SORCS3: variants seen among roughly 807,000 people sequenced by gnomAD.
SORCS3 encodes sortilin related VPS10 domain containing receptor 3.
In SORCS3, 57 loss-of-function variants were observed where a neutral mutation model predicts 146.3. That is an observed-to-expected ratio of 0.39 (90% CI 0.31 to 0.49). The LOEUF is 0.49. SORCS3 is among the 20% of genes least tolerant of loss of function. The pLI is 0.92. For missense variants in SORCS3, 1,341 were observed against 1,575.5 expected, an observed-to-expected ratio of 0.85 and a Z score of 2.52; for synonymous variants, 653 against 618.5, an observed-to-expected ratio of 1.06 and a Z score of -0.83.
rs78489358 is a variant in SORCS3, at chr10:104,761,397, T to C, written c.628-81395T>C. Reference sequence around the variant, plus strand: ...GGAGAGAGAAGATACATACCATATCTGGAGAGAGAAGAGGCAAGAAAATAG... The same window carrying C: ...GGAGAGAGAAGATACATACCATATCCGGAGAGAGAAGAGGCAAGAAAATAG... On this transcript the variant is annotated intron_variant, in intron 1 of 26. Transcript: ENST00000369701. Among the ~76,000 whole-genome samples the C allele has an allele frequency of 3.3e-3, 499 of 152,092 alleles. 3 individuals are homozygous for C. Among genetic ancestry groups the C allele is most frequent in the African/African-American group, 0.01 (417 of 41,506 alleles).
intron 14 of SORCS3, among the ~76,000 whole-genome samples, chr10:105,190,428 C>A (rs751841543): frequency 2.6e-5 from 4 of 152,174 alleles, no homozygotes; most frequent in Non-Finnish European, 2.9e-5. Context: ...ATTTTTGAGA[C>A]GGAGTCTCGC....
At chr10:104,815,049 AAGG>A (rs886603666) in intron 1 of SORCS3, among the ~76,000 whole-genome samples, 13 of 152,290 alleles carry the variant, frequency 8.5e-5, no homozygotes, top group African/African-American at 2.9e-4. Context: ...TTGCAGTCTG[AAGG>A]AGGAGAAAAG....
rs1369449514 is a variant in SORCS3 at position 104,751,968 on chromosome 10, T to TATATATATAA, written c.628-90823_628-90822insTATATATAAA. On this transcript the variant is annotated intron_variant, in intron 1 of 26. Coordinates refer to ENST00000369701, the MANE Select transcript of SORCS3 (RefSeq NM_014978.3). ...ATATATATATATATATATATATATA[T>TATATATATAA]AATAGTTTAGCAGCAGGAATGAGGT... is the stretch of plus-strand genomic sequence containing the variant. Among the ~76,000 whole-genome samples the TATATATATAA allele has an allele frequency of 6.2e-5, 8 of 128,452 alleles. 1 individual carries two copies. Among genetic ancestry groups the TATATATATAA allele is most frequent in the Non-Finnish European group, 1.3e-4 (8 of 59,876 alleles). 84.3% of individuals were successfully genotyped at this position (128,452 alleles called of 152,430 possible).
intron 3 of SORCS3, among the ~76,000 whole-genome samples, chr10:104,956,082 C>G (rs1216313605): frequency 2.0e-5 from 3 of 152,108 alleles, no homozygotes; most frequent in Admixed American, 2.0e-4. Context: ...AGAATAACTG[C>G]AGCAATGACA....
At chr10:105,239,666 C>T (rs1287893162) in intron 20 of SORCS3, among the ~76,000 whole-genome samples, 1 of 152,130 alleles carries the variant, frequency 6.6e-6, no homozygotes, top group Non-Finnish European at 1.5e-5. Flanking sequence ...TTGGATGAAG[C>T]ACAGAGACAG....
At chr10:104,751,228 A>G (rs759732952) in intron 1 of SORCS3, among the ~76,000 whole-genome samples, 1 of 152,202 alleles carries the variant, frequency 6.6e-6, no homozygotes, top group Non-Finnish European at 1.5e-5. Flanking sequence ...TAAGGAATAC[A>G]TTTCTAATAG....
At chr10:104,647,801 A>T (rs570925645) in intron 1 of SORCS3, among the ~76,000 whole-genome samples, 2 of 152,346 alleles carry the variant, frequency 1.3e-5, no homozygotes, top group East Asian at 3.9e-4. Context: ...TTAACATAAG[A>T]TTCAGAGGGG....
chr10:104,991,501 T>A (rs2054993869), intron 4 of SORCS3, among the ~76,000 whole-genome samples: 1 of 148,464 alleles, frequency 6.7e-6, no homozygotes, highest in African/African-American at 2.5e-5. Flanking sequence ...TTCCTCTTCT[T>A]CCTTTTTTTT....
intron 1 of SORCS3, among the ~76,000 whole-genome samples, chr10:104,643,618 G>A (rs1298015031): frequency 1.3e-5 from 2 of 152,288 alleles, no homozygotes; most frequent in African/African-American, 2.4e-5. Flanking sequence ...ACTTGGATAT[G>A]TGTGTGCTGG....
At chr10:104,701,362 C>T (rs887417178) in intron 1 of SORCS3, among the ~76,000 whole-genome samples, 10 of 152,156 alleles carry the variant, frequency 6.6e-5, no homozygotes, top group Non-Finnish European at 1.0e-4. Context: ...ATATTAGTGG[C>T]AAAACTGAAA....
rs200972457 is a variant in SORCS3, at chr10:104,978,882, C to T, written c.954+1389C>T. ...ACAGTCCCCAGTAGATATTACCAGC[C>T]CCTGCCTGATCTGGTCCCTCCTTCT... On this transcript the variant is annotated intron_variant, in intron 4 of 26. Transcript: ENST00000369701. Among the ~76,000 whole-genome samples the T allele has an allele frequency of 1.1e-4, 16 of 152,156 alleles. No homozygotes were observed. The East Asian group carries it at 2.9e-3, about 27-fold the overall frequency.
chr10:105,252,981 C>G, intron 23 of SORCS3, 75 bp downstream of exon 23: 1 of 1,534,288 alleles, frequency 6.5e-7, no homozygotes. Flanking sequence ...TGTTTTCAGC[C>G]AGAAAGGGAG....
In SORCS3 at chr10:104,641,319, C is replaced by G. The variant is rs1275931813; in HGVS notation, c.-9C>G. 7.7e-7 allele frequency: 1 copy of G among 1,297,192 alleles called. No individual in the cohort carries two copies. Among genetic ancestry groups the G allele is most frequent in the Non-Finnish European group, 9.7e-7 (1 of 1,026,320 alleles). The allele number at this position is 1,297,192 out of a possible 1,614,324, so 80.4% of individuals were successfully genotyped here. The stretch of plus-strand genomic sequence containing the variant: ...ACTCGGCAGCCCGAGCCGCGGTAGC[C>G]GCAGCGGGATGGAGGCGGCGCGCAC... On this transcript the variant is annotated 5_prime_UTR_variant, in exon 1 of 27. Coordinates refer to ENST00000369701, the MANE Select transcript of SORCS3 (RefSeq NM_014978.3). The surrounding 1 kb of genome is among the most constrained non-coding windows in gnomAD (Gnocchi z 6.4).
At chr10:105,245,066 CAAAA>C (rs3043042) in intron 20 of SORCS3, among the ~76,000 whole-genome samples, 1 of 99,784 alleles carries the variant, frequency 1.0e-5, no homozygotes, top group Non-Finnish European at 1.9e-5. Context: ...AAGACTCTGT[CAAAA>C]AAAAAAAAAA....
intron 5 of SORCS3, among the ~76,000 whole-genome samples, chr10:105,050,124 C>G (rs1181154645): frequency 6.6e-6 from 1 of 151,726 alleles, no homozygotes; most frequent in Non-Finnish European, 1.5e-5. Flanking sequence ...TTGTATATTC[C>G]CACCTGTAAC....
At chr10:105,014,098 CATATATATAT>C (rs200358301) in intron 4 of SORCS3, among the ~76,000 whole-genome samples, 6 of 136,026 alleles carry the variant, frequency 4.4e-5, no homozygotes, top group South Asian at 2.3e-4. Context: ...CATATATATA[CATATATATAT>C]ACACATATAT....
chr10:104,932,120 A>G (rs568161222), intron 3 of SORCS3, among the ~76,000 whole-genome samples: 7 of 152,334 alleles, frequency 4.6e-5, no homozygotes, highest in South Asian at 4.1e-4. Flanking sequence ...TCAGCATTCT[A>G]TAGCTCAAAG....
intron 1 of SORCS3, among the ~76,000 whole-genome samples, chr10:104,686,171 T>A (rs2016041110): frequency 6.6e-6 from 1 of 152,052 alleles, no homozygotes; most frequent in Non-Finnish European, 1.5e-5. Context: ...TGGGAGAAGG[T>A]CAGGTTGGAG....
intron 2 of SORCS3, among the ~76,000 whole-genome samples, chr10:104,849,410 T>C (rs796197591): frequency 3.4e-5 from 1 of 29,688 alleles, no homozygotes; most frequent in African/African-American, 1.8e-4. Context: ...AGACTCCATC[T>C]CAAAAAAAAA....
Sources: allele counts gnomAD v4.1 joint callset (sites outside exome capture counted in the v4.1 genomes callset), GRCh38; gene constraint gnomAD v4.1.1; non-coding constraint Gnocchi (gnomAD v3.1); transcripts MANE v1.5; gene names NCBI Gene and HGNC (gene_info 2026-07-23, HGNC 2026-07-21).